Variants in GLT1D1 observed in about 807,000 individuals in gnomAD.
The protein encoded by GLT1D1 is glycosyltransferase 1 domain containing 1, also known as glycosyltransferase 1 domain-containing protein 1.
Under a neutral mutation model 28.7 loss-of-function variants are expected in GLT1D1, and 21 were observed. The observed-to-expected ratio is 0.73, with a 90% confidence interval of 0.52 to 1.05. GLT1D1 has a LOEUF of 1.05. Among genes scored for constraint, GLT1D1 ranks in the 50% least tolerant of loss-of-function variants. The probability of loss-of-function intolerance (pLI) is 0.00; values close to 1 mark genes in which losing one functional copy is unlikely to be tolerated. For missense variants in GLT1D1, 343 were observed against 330.6 expected (o/e 1.04, Z -0.29); for synonymous variants, 147 against 124.8 (o/e 1.18, Z -1.19).
Position 128,888,682 on chromosome 12 carries a change from A to G in GLT1D1, c.261A>G (p.Val87=), listed in dbSNP as rs1868674862. ...GAGTCATCTTTGGTGGAACTGATGTAAATGAAGATGCCAACCAGGCGGAAA... is the reference window on the plus strand; with the variant it reads ...GAGTCATCTTTGGTGGAACTGATGTGAATGAAGATGCCAACCAGGCGGAAA... The change falls in exon 3 of 8, where the codon GTA becomes GTG. Residue 87 remains valine, a synonymous_variant. Coordinates refer to ENST00000281703, the MANE Select transcript of GLT1D1 (RefSeq NM_144669.3). The G allele has an allele frequency of 1.2e-6, 2 of 1,613,956 alleles. No homozygotes were observed. Among genetic ancestry groups the G allele is most frequent in the East Asian group, 2.2e-5 (1 of 44,886 alleles).
intron 2 of GLT1D1, among the ~76,000 whole-genome samples, chr12:128,883,745 A>G (rs577909693): frequency 9.6e-4 from 146 of 152,314 alleles, no homozygotes; most frequent in African/African-American, 7.2e-4. Flanking sequence ...ACTCACTTGG[A>G]AAATAGCTTG....
intron 3 of GLT1D1, among the ~76,000 whole-genome samples, chr12:128,893,466 C>CA (rs925728181): frequency 1.0e-4 from 15 of 150,714 alleles, no homozygotes; most frequent in South Asian, 6.3e-4. Flanking sequence ...ATTTTTTTTA[C>CA]AAAAAAAATC....
At chr12:128,883,495 CAGG>C (rs1347367021) in intron 2 of GLT1D1, among the ~76,000 whole-genome samples, 3 of 149,318 alleles carry the variant, frequency 2.0e-5, no homozygotes, top group African/African-American at 7.4e-5. Flanking sequence ...GAGCCTGAGG[CAGG>C]AGAATAGCTT....
intron 7 of GLT1D1, among the ~76,000 whole-genome samples, chr12:128,965,732 A>AAAAGAAAG (rs1555220849): frequency 1.1e-4 from 11 of 104,604 alleles, no homozygotes; most frequent in African/African-American, 3.7e-4. Flanking sequence ...AAAAAAAAAA[A>AAAAGAAAG]AAAGAAAAAG....
chr12:128,855,650 G>A (rs1185211088), intron 1 of GLT1D1, among the ~76,000 whole-genome samples: 1 of 151,942 alleles, frequency 6.6e-6, no homozygotes, highest in Non-Finnish European at 1.5e-5. Flanking sequence ...AGAATTCAGG[G>A]CGAGTCCTTA....
chr12:128,962,991 C>T (rs900895763), intron 7 of GLT1D1, among the ~76,000 whole-genome samples: 38 of 152,146 alleles, frequency 2.5e-4, no homozygotes, highest in Admixed American at 6.5e-5. Flanking sequence ...TGAGCCACCG[C>T]GCCCAGCCAA....
intron 1 of GLT1D1, among the ~76,000 whole-genome samples, chr12:128,858,558 G>C (rs1427921583): frequency 6.6e-6 from 1 of 151,952 alleles, no homozygotes; most frequent in East Asian, 1.9e-4. Context: ...TGTAATCCCA[G>C]CTACTTGGGT....
At chr12:128,956,022 G>C (rs1877237268) in intron 6 of GLT1D1, among the ~76,000 whole-genome samples, 1 of 151,570 alleles carries the variant, frequency 6.6e-6, no homozygotes, top group African/African-American at 2.4e-5. Context: ...AGCCGGGCGT[G>C]ATGGCGGGCG....
chr12:128,942,680 C>T (rs1187316592), intron 4 of GLT1D1, among the ~76,000 whole-genome samples: 2 of 151,832 alleles, frequency 1.3e-5, no homozygotes, highest in African/African-American at 4.8e-5. Flanking sequence ...CACAGCACAT[C>T]AGCAGCCATC....
intron 7 of GLT1D1, among the ~76,000 whole-genome samples, chr12:128,977,973 C>A (rs112656762): frequency 0.011 from 1,730 of 151,706 alleles, 22 homozygotes; most frequent in African/African-American, 0.039. Context: ...TTGGTAGAGA[C>A]AGGGTTTAAC....
chr12:128,937,973 A>G (rs529550787), intron 4 of GLT1D1, among the ~76,000 whole-genome samples: 1 of 152,330 alleles, frequency 6.6e-6, no homozygotes, highest in South Asian at 2.1e-4. Context: ...CGGTTGGGGT[A>G]TAGTGGATAA....
intron 6 of GLT1D1, among the ~76,000 whole-genome samples, chr12:128,948,629 A>G (rs1028768402): frequency 2.6e-5 from 4 of 152,342 alleles, no homozygotes; most frequent in African/African-American, 9.6e-5. Context: ...TTCTTATGTC[A>G]GTGTCTACTT....
In GLT1D1 at chr12:128,971,321, C is replaced by A. The variant is rs534235804; in HGVS notation, c.640-11608C>A. Among the ~76,000 whole-genome samples, 3 of 102,142 alleles carry A rather than the reference C, an allele frequency of 2.9e-5. No homozygotes were observed. The East Asian group carries it at 1.1e-3, about 36-fold the overall frequency. 67.0% of individuals were successfully genotyped at this position (102,142 alleles called of 152,430 possible). On this transcript the variant is annotated intron_variant, in intron 7 of 7. Coordinates refer to ENST00000281703, the MANE Select transcript of GLT1D1 (RefSeq NM_144669.3). The stretch of plus-strand genomic sequence containing the variant: ...CCCTCCCTCCTTCCTTCCTTCATCT[C>A]CCTCCTTTCTTCCTCCCTCCTTTTC...
intron 4 of GLT1D1, among the ~76,000 whole-genome samples, chr12:128,908,841 C>A (rs551499283): frequency 6.6e-6 from 1 of 151,954 alleles, no homozygotes. Flanking sequence ...CCCAGCTACT[C>A]GGGAGGCTGA....
intron 4 of GLT1D1, among the ~76,000 whole-genome samples, chr12:128,911,499 A>C (rs1871526606): frequency 6.6e-6 from 1 of 152,156 alleles, no homozygotes; most frequent in Non-Finnish European, 1.5e-5. Context: ...ACCTCCAGGG[A>C]TCTAGCTAGT....
At chr12:128,939,695 C>T (rs1005671920) in intron 4 of GLT1D1, among the ~76,000 whole-genome samples, 27 of 152,140 alleles carry the variant, frequency 1.8e-4, no homozygotes, top group African/African-American at 2.9e-4. Context: ...CAGTGGAAGG[C>T]GAAGGGGAAG....
chr12:128,875,822 CAA>C (rs11444853), intron 1 of GLT1D1, 90 bp from the exon 2 acceptor site: 6,008 of 988,630 alleles, frequency 6.1e-3, no homozygotes, highest in South Asian at 8.5e-3. Flanking sequence ...CAACAACAAC[CAA>C]AAAAAAAAAA....
chr12:128,879,378 T>TTTTCTTCCTTTCTTTCTTTCTTTC (rs1956953606), intron 2 of GLT1D1, among the ~76,000 whole-genome samples: 1 of 69,896 alleles, frequency 1.4e-5, no homozygotes, highest in African/African-American at 5.4e-5. Flanking sequence ...ATTTTTTTCT[T>TTTTCTTCCTTTCTTTCTTTCTTTC]TTTCTTTCTT....
At chr12:128,905,232 C>T (rs9651790) in intron 4 of GLT1D1, among the ~76,000 whole-genome samples, 65,798 of 152,122 alleles carry the variant, frequency 0.43, 15,545 homozygotes, top group Admixed American at 0.61. Context: ...TCATATTTTA[C>T]CTTTTTGTGT....
Sources: allele counts gnomAD v4.1 joint callset (sites outside exome capture counted in the v4.1 genomes callset), GRCh38; gene constraint gnomAD v4.1.1; transcripts MANE v1.5; gene names NCBI Gene and HGNC (gene_info 2026-07-23, HGNC 2026-07-21).